MAF: variants seen among roughly 807,000 people sequenced by gnomAD.
MAF encodes transcription factor Maf.
Under a neutral mutation model 22.0 loss-of-function variants are expected in MAF, and 10 were observed. That is an observed-to-expected ratio of 0.45 (90% CI 0.28 to 0.77). The LOEUF (loss-of-function observed/expected upper bound fraction) is 0.77, where lower values mean the gene tolerates loss of function less well. Ranked by LOEUF, MAF falls within the 30% of genes least tolerant of loss-of-function variation. The pLI is 0.12. For missense variants in MAF, 544 were observed against 548.4 expected, an observed-to-expected ratio of 0.99 and a Z score of 0.08; for synonymous variants, 337 against 255.8, an observed-to-expected ratio of 1.32 and a Z score of -3.03.
chr16:79,542,956 C>A, the MAF span, among the ~76,000 whole-genome samples: 1 of 152,132 alleles, frequency 6.6e-6, no homozygotes, highest in Non-Finnish European at 1.5e-5. Flanking sequence ...TGTGACCTTA[C>A]AGGATTGCAT....
chr16:79,554,695 C>T, the MAF span, among the ~76,000 whole-genome samples: 1 of 152,056 alleles, frequency 6.6e-6, no homozygotes, highest in African/African-American at 2.4e-5. Flanking sequence ...TCTAAAGGCC[C>T]AGAATTCTCA....
At chr16:79,304,612 G>T in the MAF span, among the ~76,000 whole-genome samples, 1 of 152,116 alleles carries the variant, frequency 6.6e-6, no homozygotes, top group Non-Finnish European at 1.5e-5. Context: ...AAAAAGAAAG[G>T]TGTTTTCTGT....
chr16:79,409,246 C>A, the MAF span, among the ~76,000 whole-genome samples: 25 of 152,302 alleles, frequency 1.6e-4, no homozygotes, highest in African/African-American at 5.8e-4. Flanking sequence ...ATCTAGTGAT[C>A]TTGGGGTTCA....
chr16:79,248,073 G>T, the MAF span, among the ~76,000 whole-genome samples: 7 of 152,010 alleles, frequency 4.6e-5, no homozygotes, highest in African/African-American at 1.7e-4. Context: ...AAACCTCAGA[G>T]AAGGTTCACC....
chr16:79,345,134 T>A, the MAF span, among the ~76,000 whole-genome samples: 1 of 152,212 alleles, frequency 6.6e-6, no homozygotes, highest in African/African-American at 2.4e-5. Flanking sequence ...CGTTATTGTT[T>A]TCACTTGTAC....
At chr16:79,559,659 A>G in the MAF span, among the ~76,000 whole-genome samples, 14 of 152,226 alleles carry the variant, frequency 9.2e-5, no homozygotes, top group African/African-American at 3.4e-4. Context: ...GCTGTACATT[A>G]CTATCTGTAA....
the MAF span, among the ~76,000 whole-genome samples, chr16:79,543,538 AC>A: frequency 6.6e-6 from 1 of 152,198 alleles, no homozygotes; most frequent in Non-Finnish European, 1.5e-5. Context: ...GGCAGGACAG[AC>A]GCGCTCAGTC....
At chr16:79,223,077 C>G in the MAF span, among the ~76,000 whole-genome samples, 2 of 152,174 alleles carry the variant, frequency 1.3e-5, no homozygotes, top group Admixed American at 1.3e-4. Context: ...TTCTTCTCAG[C>G]ACCACATTGC....
the MAF span, among the ~76,000 whole-genome samples, chr16:79,302,146 G>C: frequency 6.6e-6 from 1 of 152,220 alleles, no homozygotes; most frequent in East Asian, 1.9e-4. Context: ...GCGAGGGCTG[G>C]GATCCAGCCT....
the MAF span, among the ~76,000 whole-genome samples, chr16:79,479,923 ACAG>A: frequency 3.9e-5 from 6 of 152,206 alleles, no homozygotes; most frequent in Non-Finnish European, 7.3e-5. Context: ...CCAAGTGTCC[ACAG>A]TCCTACACTA....
the MAF span, among the ~76,000 whole-genome samples, chr16:79,502,702 A>AATATATATAC: frequency 1.2e-5 from 1 of 86,538 alleles, no homozygotes; most frequent in African/African-American, 8.1e-5. Flanking sequence ...TATAAATATA[A>AATATATATAC]ATATAAATAT....
chr16:79,227,427 C>G, the MAF span, among the ~76,000 whole-genome samples: 1 of 152,088 alleles, frequency 6.6e-6, no homozygotes, highest in Non-Finnish European at 1.5e-5. Flanking sequence ...GTATGAACAC[C>G]ATCTCCCTGT....
chr16:79,337,710 C>T, the MAF span, among the ~76,000 whole-genome samples: 1 of 152,152 alleles, frequency 6.6e-6, no homozygotes, highest in Non-Finnish European at 1.5e-5. Context: ...AAACACAATA[C>T]ATATACACAC....
chr16:79,597,333 A>G, intron 1 of MAF: 1 of 1,041,324 alleles, frequency 9.6e-7, no homozygotes, highest in Non-Finnish European at 1.2e-6. Flanking sequence ...AGAGCATTCC[A>G]CATTTGACAA....
At chr16:79,205,329 C>G in the MAF span, 5 of 152,236 alleles carry the variant, frequency 3.3e-5, no homozygotes, top group African/African-American at 7.2e-5. Flanking sequence ...GAATGACACT[C>G]TTCACCTGTC....
At chr16:79,210,602 G>C in the MAF span, among the ~76,000 whole-genome samples, 5 of 152,196 alleles carry the variant, frequency 3.3e-5, no homozygotes, top group African/African-American at 1.2e-4. Flanking sequence ...AGTGGATGCA[G>C]CTAGGGCTCT....
chr16:79,239,373 G>C, the MAF span, among the ~76,000 whole-genome samples: 4 of 152,002 alleles, frequency 2.6e-5, no homozygotes, highest in South Asian at 2.1e-4. Flanking sequence ...AACTGGTAAA[G>C]TCCCGGGCAA....
the MAF span, among the ~76,000 whole-genome samples, chr16:79,236,325 C>G: frequency 2.7e-5 from 4 of 150,158 alleles, no homozygotes; most frequent in Non-Finnish European, 5.9e-5. Flanking sequence ...GGTCTCCTTT[C>G]CCTCCCTCTC....
At chr16:79,524,020 C>T in the MAF span, among the ~76,000 whole-genome samples, 1 of 152,202 alleles carries the variant, frequency 6.6e-6, no homozygotes, top group East Asian at 1.9e-4. Flanking sequence ...AATAGACACA[C>T]ACACCTCTCC....
Sources: gnomAD v4.1 joint callset for allele counts (sites outside exome capture counted in the v4.1 genomes callset) on GRCh38, gnomAD v4.1.1 for gene constraint, MANE v1.5 for transcripts, NCBI Gene and HGNC (gene_info 2026-07-23, HGNC 2026-07-21) for gene names.